NCDN: variants seen among roughly 807,000 people sequenced by gnomAD.
The protein encoded by NCDN is neurochondrin.
In NCDN, 9 loss-of-function variants were observed where a neutral mutation model predicts 60.7. The observed-to-expected ratio is 0.15, with a 90% CI of 0.09 to 0.26. The LOEUF is 0.26. Ranked by LOEUF, NCDN falls within the 10% of genes least tolerant of loss-of-function variation. The pLI, the probability that NCDN is intolerant of heterozygous loss-of-function variation, is 1.00. For synonymous variants in NCDN, 409 were observed against 442.5 expected (o/e 0.92, Z 0.95); for missense variants, 578 against 975.2 (o/e 0.59, Z 5.42).
Position 35,558,956 on chromosome 1 carries a change from G to A in NCDN, c.34-151G>A, listed in dbSNP as rs994427031. 1.2e-6 allele frequency: 1 copy of A among 841,004 alleles called. No individual in the cohort carries two copies. Among genetic ancestry groups the A allele is most frequent in the East Asian group, 2.7e-5 (1 of 37,082 alleles). The allele number at this position is 841,004 out of a possible 1,614,324, so 52.1% of individuals were successfully genotyped here. On this transcript the variant is annotated intron_variant, in intron 1 of 6. Transcript: ENST00000373243. The surrounding 1 kb of genome is among the most constrained non-coding windows in gnomAD (Gnocchi z 6.3). ...CCAGCCCCTTAAAGGGGCTTCTGGG[G>A]GGAGGTCAGTCCTGAGGAGTCCACC...
At chr1:35,559,374 C>A in intron 2 of NCDN, 127 bp downstream of exon 2, 2 of 1,215,172 alleles carry the variant, frequency 1.6e-6, no homozygotes, top group Non-Finnish European at 2.3e-6. Flanking sequence ...AACGAAGGCC[C>A]AAGACCCCTA....
rs368929072 is a variant in NCDN, at chr1:35,562,247, G to A, written c.1144-145G>A. 8.9e-5 allele frequency: 108 copies of A among 1,214,110 alleles called. 1 individual carries two copies. In the African/African-American group the frequency reaches 1.5e-3, roughly 17 times the overall value. The allele number at this position is 1,214,110 out of a possible 1,614,324, so 75.2% of individuals were successfully genotyped here. The stretch of plus-strand genomic sequence containing the variant: ...CACATGCTAGGTGCTGGGTTCATGG[G>A]ACAGAATAAAGGTTGGGGCCTGCCT... On this transcript the variant is annotated intron_variant, in intron 3 of 6. Coordinates refer to ENST00000373243, the MANE Select transcript of NCDN (RefSeq NM_014284.3). This position sits in a 1 kb window ranked among gnomAD's most constrained non-coding sequence, Gnocchi z 6.8.
At chr1:35,559,366 C>G in intron 2 of NCDN, 119 bp downstream of exon 2, 3 of 1,334,606 alleles carry the variant, frequency 2.2e-6, no homozygotes, top group Non-Finnish European at 2.1e-6. Flanking sequence ...GAGGCACCAA[C>G]GAAGGCCCAA....
intron 2 of NCDN, among the ~76,000 whole-genome samples, chr1:35,559,652 G>C (rs944557769): frequency 2.0e-5 from 3 of 151,672 alleles, no homozygotes; most frequent in African/African-American, 7.3e-5. Flanking sequence ...CAGTAGGTAG[G>C]TTAAGGAATG....
Position 35,557,912 on chromosome 1 carries a change from C to G in NCDN, c.-279C>G. 1.6e-6 allele frequency: 1 copy of G among 626,130 alleles called. No individual in the cohort carries two copies. The highest frequency in any genetic ancestry group is 2.9e-6 in the Non-Finnish European group (1 of 346,884). The allele number at this position is 626,130 out of a possible 1,614,324, so 38.8% of individuals were successfully genotyped here. A position where few individuals can be genotyped will look rare whatever the true frequency, so the allele number is the denominator to read the frequency against. On this transcript the variant is annotated 5_prime_UTR_variant, in exon 1 of 7. Transcript: ENST00000373243. ...AGCTCAGCCCCCTTCGGGCCCTCCC[C>G]TGCATCCCAGCCGGGGCCTCTCCGA...
At position 35,557,825 on chromosome 1, in the gene NCDN, C is replaced by T. The variant is rs1255039166; in HGVS notation, c.-366C>T. ...GTGGGCAACGCGGCGTGAGCAGCGG[C>T]CCGAGGCTCCCGGAGCATCGCGCTG... On this transcript the variant is annotated 5_prime_UTR_variant, in exon 1 of 7. Transcript: ENST00000373243. 1 of 537,424 alleles carries T rather than the reference C, an allele frequency of 1.9e-6. No individual in the cohort carries two copies. The highest frequency in any genetic ancestry group is 2.2e-5 in the Admixed American group (1 of 44,710). 33.3% of individuals were successfully genotyped at this position (537,424 alleles called of 1,614,324 possible).
chr1:35,562,703 C>A lies in NCDN; in HGVS notation c.1385+70C>A. Reference sequence around the variant, plus strand: ...AAAGCGTTAACACAAGGACACCCCTCCCCACAAACTGAGCTGTGCCAGGCT... The same window carrying A: ...AAAGCGTTAACACAAGGACACCCCTACCCACAAACTGAGCTGTGCCAGGCT... On this transcript the variant is annotated intron_variant, in intron 4 of 6. Transcript: ENST00000373243. The surrounding 1 kb of genome is among the most constrained non-coding windows in gnomAD (Gnocchi z 6.8). 1 of 1,521,220 alleles carries A rather than the reference C, an allele frequency of 6.6e-7. No homozygotes were observed. Among genetic ancestry groups the A allele is most frequent in the Non-Finnish European group, 8.9e-7 (1 of 1,129,630 alleles). 94.2% of individuals were successfully genotyped at this position (1,521,220 alleles called of 1,614,324 possible). A position where few individuals can be genotyped will look rare whatever the true frequency, so the allele number is the denominator to read the frequency against.
Position 35,562,752 on chromosome 1 carries a change from C to A in NCDN, c.1385+119C>A. On this transcript the variant is annotated intron_variant, in intron 4 of 6. Coordinates refer to ENST00000373243, the MANE Select transcript of NCDN (RefSeq NM_014284.3). The surrounding 1 kb of genome is among the most constrained non-coding windows in gnomAD (Gnocchi z 6.8). ...CTTCCTGATTGGGCCATGAGATATC[C>A]CTTAGGGTTATTTCTGTTTTGGGGG... The A allele has an allele frequency of 7.4e-7, 1 of 1,354,276 alleles. No homozygotes were observed. Among genetic ancestry groups the A allele is most frequent in the Non-Finnish European group, 9.8e-7 (1 of 1,018,624 alleles). 83.9% of individuals were successfully genotyped at this position (1,354,276 alleles called of 1,614,324 possible). A position where few individuals can be genotyped will look rare whatever the true frequency, so the allele number is the denominator to read the frequency against.
chr1:35,562,450 C>T lies in NCDN; in HGVS notation c.1202C>T (p.Ala401Val). 6.2e-7 allele frequency: 1 copy of T among 1,614,168 alleles called. No individual in the cohort carries two copies. The highest frequency in any genetic ancestry group is 8.5e-7 in the Non-Finnish European group (1 of 1,180,020). Residue 401 changes from alanine to valine, a missense_variant, in exon 4 of 7, where the codon GCC (alanine) becomes GTC (valine). Physicochemically the swap from Ala to Val is moderately conservative, Grantham distance 64. Transcript: ENST00000373243. This position sits in a 1 kb window ranked among gnomAD's most constrained non-coding sequence, Gnocchi z 6.8. The part of the protein sequence containing the change: ...FVFASVRILG[A>V]WLAEETSSLR... ...TTTGCCTCGGTGCGGATCCTGGGTG[C>T]CTGGCTGGCCGAGGAGACCTCATCC...
chr1:35,562,796 C>T lies in NCDN; in HGVS notation c.1385+163C>T, dbSNP rs1389548856. 6.6e-6 allele frequency among the ~76,000 whole-genome samples: 1 copy of T among 152,228 alleles called. No individual in the cohort carries two copies. Among genetic ancestry groups the T allele is most frequent in the African/African-American group, 2.4e-5 (1 of 41,454 alleles). ...TTGGGGGGCTTGTTCCCACAGGACT[C>T]CTCGGCTGCCAGGTGTCACTTGCCA... On this transcript the variant is annotated intron_variant, in intron 4 of 6. Coordinates refer to ENST00000373243, the MANE Select transcript of NCDN (RefSeq NM_014284.3). The surrounding 1 kb of genome is among the most constrained non-coding windows in gnomAD (Gnocchi z 6.8).
In NCDN at chr1:35,565,626, G is replaced by A. The variant is rs368983567; in HGVS notation, c.2153G>A (p.Arg718His). 21 of 1,561,056 alleles carry A rather than the reference G, an allele frequency of 1.3e-5. No homozygotes were observed. Among genetic ancestry groups the A allele is most frequent in the East Asian group, 4.7e-5 (2 of 42,808 alleles). Residue 718 changes from arginine to histidine, a missense_variant, in exon 7 of 7, where the codon CGC (arginine) becomes CAC (histidine). Physicochemically the swap from Arg to His is conservative, Grantham distance 29. Transcript: ENST00000373243. This position sits in a 1 kb window ranked among gnomAD's most constrained non-coding sequence, Gnocchi z 8.9. ...QAGEETASHY[R>H]MAALEQCLSE... ...GGCGAGGAGACGGCCAGCCACTACC[G>A]CATGGCTGCCTTGGAGCAGTGCCTG...
In NCDN at chr1:35,561,141, A is replaced by G. The variant is rs1040985329; in HGVS notation, c.990A>G (p.Lys330=). 6 of 1,611,344 alleles carry G rather than the reference A, an allele frequency of 3.7e-6. No homozygotes were observed. Among genetic ancestry groups the G allele is most frequent in the Non-Finnish European group, 5.1e-6 (6 of 1,178,902 alleles). ...LALEETGTEV[K]EDVVTACYAL... Reference sequence around the variant, plus strand: ...TGGAGGAGACGGGCACGGAGGTGAAAGAGGATGTGGTGACCGCCTGCTATG... The same window carrying G: ...TGGAGGAGACGGGCACGGAGGTGAAGGAGGATGTGGTGACCGCCTGCTATG... The change falls in exon 3 of 7, where the codon AAA becomes AAG. Residue 330 remains lysine, a synonymous_variant. Coordinates refer to ENST00000373243, the MANE Select transcript of NCDN (RefSeq NM_014284.3). The surrounding 1 kb of genome is among the most constrained non-coding windows in gnomAD (Gnocchi z 4.9).
At chr1:35,564,308 T>C (rs1227620501) in intron 6 of NCDN, among the ~76,000 whole-genome samples, 1 of 152,176 alleles carries the variant, frequency 6.6e-6, no homozygotes, top group African/African-American at 2.4e-5. Flanking sequence ...CCCCCATCAG[T>C]GACAGCCTTC....
At position 35,558,548 on chromosome 1, in the gene NCDN, C is replaced by T; in HGVS notation, c.33+325C>T. The T allele has an allele frequency of 7.6e-7, 1 of 1,320,672 alleles. No homozygotes were observed. The highest frequency in any genetic ancestry group is 9.7e-7 in the Non-Finnish European group (1 of 1,033,316). The allele number at this position is 1,320,672 out of a possible 1,614,324, so 81.8% of individuals were successfully genotyped here. ...AGGGGTGGGGTCCCCAAAGGGGCCT[C>T]CAAGCCTTCCCTGTTGAGCGTCTTG... On this transcript the variant is annotated intron_variant, in intron 1 of 6. Coordinates refer to ENST00000373243, the MANE Select transcript of NCDN (RefSeq NM_014284.3). This position sits in a 1 kb window ranked among gnomAD's most constrained non-coding sequence, Gnocchi z 6.3.
rs369068328 is a variant in NCDN, at chr1:35,561,156, C to A, written c.1005C>A (p.Thr335=). Reference sequence around the variant, plus strand: ...CGGAGGTGAAAGAGGATGTGGTGACCGCCTGCTATGCCCTCATGGAGTTGG... The same window carrying A: ...CGGAGGTGAAAGAGGATGTGGTGACAGCCTGCTATGCCCTCATGGAGTTGG... ...TGTEVKEDVV[T]ACYALMELGI... is the part of the protein sequence containing the mutation. The change falls in exon 3 of 7, where the codon ACC becomes ACA. Residue 335 remains threonine, a synonymous_variant. Transcript: ENST00000373243. The surrounding 1 kb of genome is among the most constrained non-coding windows in gnomAD (Gnocchi z 4.9). 1.4e-5 allele frequency: 22 copies of A among 1,608,572 alleles called. No homozygotes were observed. The African/African-American group carries it at 2.8e-4, about 21-fold the overall frequency.
Position 35,562,601 on chromosome 1 carries a change from C to T in NCDN, c.1353C>T (p.Thr451=), listed in dbSNP as rs1648738506. ...QVANLAISPT[T]PGPTWPGDAL... ...CCAACCTGGCCATCTCCCCCACCAC[C>T]CCAGGGCCCACCTGGCCAGGAGACG... is the stretch of plus-strand genomic sequence containing the variant. The change falls in exon 4 of 7, where the codon ACC becomes ACT. Residue 451 remains threonine (T), a synonymous_variant. Coordinates refer to ENST00000373243, the MANE Select transcript of NCDN (RefSeq NM_014284.3). The surrounding 1 kb of genome is among the most constrained non-coding windows in gnomAD (Gnocchi z 6.8). The T allele has an allele frequency of 1.2e-6, 2 of 1,613,948 alleles. No homozygotes were observed. Among genetic ancestry groups the T allele is most frequent in the Non-Finnish European group, 1.7e-6 (2 of 1,179,908 alleles).
rs780949774 is a variant in NCDN, at chr1:35,563,216, G to T, written c.1400G>T (p.Gly467Val). 2 of 1,612,984 alleles carry T rather than the reference G, an allele frequency of 1.2e-6. No individual in the cohort carries two copies. The highest frequency in any genetic ancestry group is 8.5e-7 in the Non-Finnish European group (1 of 1,179,092). Reference sequence around the variant, plus strand: ...CACATCCCCAGGCTCCTCCTGCCTGGCTGGTGCCACCTGACCGTTGAAGAT... The same window carrying T: ...CACATCCCCAGGCTCCTCCTGCCTGTCTGGTGCCACCTGACCGTTGAAGAT... Reference protein sequence around the residue: ...PGDALRLLLPGWCHLTVEDGP... With the variant: ...PGDALRLLLPVWCHLTVEDGP... The change falls in exon 5 of 7, where the codon GGC (glycine) becomes GTC (valine). Residue 467 changes from glycine to valine, a missense_variant. Physicochemically the swap from Gly to Val is moderately radical, Grantham distance 109. Around this residue, in one of 3 missense-constraint regions of NCDN, gnomAD observed 191 missense variants for 372.1 expected, o/e 0.51. Coordinates refer to ENST00000373243, the MANE Select transcript of NCDN (RefSeq NM_014284.3). The surrounding 1 kb of genome is among the most constrained non-coding windows in gnomAD (Gnocchi z 6.6).
Position 35,562,679 on chromosome 1 carries a change from A to C in NCDN, c.1385+46A>C, listed in dbSNP as rs1648742269. 2 of 1,570,624 alleles carry C rather than the reference A, an allele frequency of 1.3e-6. No homozygotes were observed. The highest frequency in any genetic ancestry group is 1.7e-6 in the Non-Finnish European group (2 of 1,155,994). ...TGTCCAGCTAGATCATTCTACCGAA[A>C]AGCGTTAACACAAGGACACCCCTCC... On this transcript the variant is annotated intron_variant, in intron 4 of 6. Coordinates refer to ENST00000373243, the MANE Select transcript of NCDN (RefSeq NM_014284.3). The surrounding 1 kb of genome is among the most constrained non-coding windows in gnomAD (Gnocchi z 6.8).
chr1:35,557,870 G>T lies in NCDN; in HGVS notation c.-321G>T, dbSNP rs1230382966. The T allele has an allele frequency of 1.1e-5, 7 of 609,602 alleles. No individual in the cohort carries two copies. The highest frequency in any genetic ancestry group is 9.1e-6 in the Non-Finnish European group (3 of 328,300). 37.8% of individuals were successfully genotyped at this position (609,602 alleles called of 1,614,324 possible). ...GCGCTGGGAGAAGACTTCGCCGCTC[G>T]GGGCCGCAGCCTGGTGAGCTCAGCC... is the stretch of plus-strand genomic sequence containing the variant. On this transcript the variant is annotated 5_prime_UTR_variant, in exon 1 of 7. Transcript: ENST00000373243.
Sources: gnomAD v4.1 joint callset for allele counts (sites outside exome capture counted in the v4.1 genomes callset) on GRCh38, gnomAD v4.1.1 for gene constraint, gnomAD v4.1.1 regional missense constraint, Gnocchi (gnomAD v3.1) non-coding constraint, MANE v1.5 for transcripts, NCBI Gene and HGNC (gene_info 2026-07-23, HGNC 2026-07-21) for gene names.